The following LGSN variants were observed in gnomAD, a reference collection of about 807,000 sequenced individuals.
LGSN encodes the protein lengsin, lens protein with glutamine synthetase domain, also known as lengsin.
A neutral mutation model predicts 19.5 loss-of-function variants in LGSN; 21 were observed. That is an observed-to-expected ratio of 1.07 (90% confidence interval 0.76 to 1.55). LGSN has a LOEUF of 1.55. Ranked by LOEUF, LGSN falls within the 40% of genes most tolerant of loss-of-function variation. The pLI is 0.00. For missense variants in LGSN, 673 were observed against 608.5 expected, an observed-to-expected ratio of 1.11 and a Z score of -1.12; for synonymous variants, 257 against 215.6, an observed-to-expected ratio of 1.19 and a Z score of -1.68.
At chr6:63,389,535 A>C in the LGSN span, among the ~76,000 whole-genome samples, 8 of 152,208 alleles carry the variant, frequency 5.3e-5, no homozygotes, top group Non-Finnish European at 1.2e-4. Flanking sequence ...AAAAGAGAAA[A>C]ATTTGAAGGA....
chr6:63,324,051 C>T (rs112976146), upstream of LGSN, among the ~76,000 whole-genome samples: 5,039 of 152,166 alleles, frequency 0.033, 283 homozygotes, highest in African/African-American at 0.12. Flanking sequence ...GGATGACAGG[C>T]GTGAGCCACC....
At chr6:63,556,471 A>G in the LGSN span, among the ~76,000 whole-genome samples, 9 of 152,076 alleles carry the variant, frequency 5.9e-5, no homozygotes, top group Admixed American at 2.6e-4. Context: ...ATGAGCCACT[A>G]TGCTCTGCCT....
At chr6:63,437,088 G>T in the LGSN span, among the ~76,000 whole-genome samples, 2 of 138,946 alleles carry the variant, frequency 1.4e-5, no homozygotes, top group Admixed American at 1.5e-4. Flanking sequence ...GAGGGGAAGG[G>T]AAGGGAGGGA....
the LGSN span, among the ~76,000 whole-genome samples, chr6:63,325,944 C>T: frequency 2.6e-4 from 39 of 152,308 alleles, no homozygotes; most frequent in African/African-American, 9.1e-4. Flanking sequence ...CTTTTATTCT[C>T]TTATCTGGCC....
At chr6:63,543,877 G>A in the LGSN span, among the ~76,000 whole-genome samples, 3 of 152,110 alleles carry the variant, frequency 2.0e-5, no homozygotes, top group South Asian at 2.1e-4. Context: ...TTTACTCTTC[G>A]TGTTTATTTG....
the LGSN span, among the ~76,000 whole-genome samples, chr6:63,348,386 G>A: frequency 1.2e-4 from 18 of 151,374 alleles, no homozygotes; most frequent in South Asian, 6.3e-4. Flanking sequence ...TCCAGGAGGC[G>A]GAGGTTTCAG....
the LGSN span, among the ~76,000 whole-genome samples, chr6:63,411,905 AT>A: frequency 6.6e-6 from 1 of 152,230 alleles, no homozygotes; most frequent in Non-Finnish European, 1.5e-5. Context: ...CAAGTATTCA[AT>A]GAACATTTCG....
At chr6:63,371,993 C>CA in the LGSN span, among the ~76,000 whole-genome samples, 2 of 152,284 alleles carry the variant, frequency 1.3e-5, no homozygotes, top group African/African-American at 4.8e-5. Context: ...TGCTTATTGT[C>CA]ACTGATGTCT....
the LGSN span, among the ~76,000 whole-genome samples, chr6:63,358,825 T>A: frequency 3.9e-5 from 6 of 152,310 alleles, no homozygotes; most frequent in South Asian, 1.2e-3. Flanking sequence ...ACCCTTTATT[T>A]TTTTCTCCTG....
chr6:63,365,587 T>TG, the LGSN span, among the ~76,000 whole-genome samples: 2 of 150,052 alleles, frequency 1.3e-5, no homozygotes, highest in Non-Finnish European at 2.9e-5. Context: ...ATTCATTTTA[T>TG]GAGGCCAGCA....
chr6:63,434,899 T>C, the LGSN span, among the ~76,000 whole-genome samples: 1,458 of 152,302 alleles, frequency 9.6e-3, 15 homozygotes, highest in African/African-American at 0.033. Context: ...AAGCACCCTC[T>C]GGGTTAAAAG....
At chr6:63,314,546 T>C (rs1464863790) in intron 1 of LGSN, among the ~76,000 whole-genome samples, 1 of 152,164 alleles carries the variant, frequency 6.6e-6, no homozygotes, top group Non-Finnish European at 1.5e-5. Flanking sequence ...TTGTTAACAT[T>C]TCATGAGTGC....
the LGSN span, among the ~76,000 whole-genome samples, chr6:63,541,004 A>G: frequency 1.4e-5 from 2 of 146,152 alleles, no homozygotes; most frequent in Non-Finnish European, 3.0e-5. Context: ...CTCTGTCAAA[A>G]AAAAGGAAGG....
the LGSN span, among the ~76,000 whole-genome samples, chr6:63,377,861 C>G: frequency 6.8e-6 from 1 of 146,408 alleles, no homozygotes; most frequent in African/African-American, 2.6e-5. Flanking sequence ...TCGCAGTGAG[C>G]CGAGATCGTG....
At chr6:63,501,468 T>C in the LGSN span, among the ~76,000 whole-genome samples, 1 of 152,102 alleles carries the variant, frequency 6.6e-6, no homozygotes, top group Non-Finnish European at 1.5e-5. Flanking sequence ...ATTTTGAGAC[T>C]ATAAAGCAAC....
the LGSN span, among the ~76,000 whole-genome samples, chr6:63,526,051 G>T: frequency 4.3e-4 from 66 of 152,264 alleles, no homozygotes; most frequent in East Asian, 0.011. Flanking sequence ...TAGGCCAGGC[G>T]CAGTGGCTCA....
At chr6:63,528,875 G>T in the LGSN span, among the ~76,000 whole-genome samples, 290 of 152,148 alleles carry the variant, frequency 1.9e-3, 1 homozygote, top group African/African-American at 2.2e-3. Flanking sequence ...GATTACCTGA[G>T]GTCAGGAGTT....
chr6:63,507,543 C>G, the LGSN span, among the ~76,000 whole-genome samples: 4 of 152,122 alleles, frequency 2.6e-5, no homozygotes, highest in Non-Finnish European at 5.9e-5. Flanking sequence ...ACCTGGTGTT[C>G]CACAATCAGG....
intron 1 of LGSN, among the ~76,000 whole-genome samples, chr6:63,313,907 T>TAC (rs531832448): frequency 1.6e-4 from 24 of 151,180 alleles, no homozygotes; most frequent in Non-Finnish European, 2.7e-4. Flanking sequence ...TACATACATA[T>TAC]ACACATATAT....
Sources: gnomAD v4.1 joint callset for allele counts (sites outside exome capture counted in the v4.1 genomes callset) on GRCh38, gnomAD v4.1.1 for gene constraint, MANE v1.5 for transcripts, NCBI Gene and HGNC (gene_info 2026-07-23, HGNC 2026-07-21) for gene names.